The following ELAVL2 variants were observed in gnomAD, a reference collection of about 807,000 sequenced individuals.
ELAVL2 encodes ELAV-like protein 2.
In ELAVL2, 4 loss-of-function variants were observed where a neutral mutation model predicts 34.6. The observed-to-expected ratio is 0.12, with a 90% CI of 0.06 to 0.26. ELAVL2 has a LOEUF of 0.26. ELAVL2 is among the 10% of genes least tolerant of loss of function. ELAVL2 has a pLI of 1.00. For missense variants in ELAVL2, 432 were observed against 442.8 expected, an observed-to-expected ratio of 0.98 and a Z score of 0.22; for synonymous variants, 193 against 154.8, an observed-to-expected ratio of 1.25 and a Z score of -1.83.
chr9:23,762,253 A>C lies in ELAVL2; in HGVS notation c.-15-4T>G. 6.2e-7 allele frequency: 1 copy of C among 1,612,138 alleles called. No homozygotes were observed. The highest frequency in any genetic ancestry group is 8.5e-7 in the Non-Finnish European group (1 of 1,178,754). On this transcript the variant is annotated splice_region_variant and splice_polypyrimidine_tract_variant and intron_variant, in intron 1 of 6. Transcript: ENST00000397312. ...TTTCCATGGCAGCAATTACCTGCTA[A>C]AAACAGAGAAAACAAGAAATGTCAG...
At chr9:23,785,698 G>C (rs1191606567) in intron 1 of ELAVL2, among the ~76,000 whole-genome samples, 1 of 152,148 alleles carries the variant, frequency 6.6e-6, no homozygotes, top group Non-Finnish European at 1.5e-5. Context: ...CTGTCAATGA[G>C]CAGCTGCTCC....
At chr9:23,797,164 G>A (rs2061031320) in intron 1 of ELAVL2, among the ~76,000 whole-genome samples, 1 of 152,128 alleles carries the variant, frequency 6.6e-6, no homozygotes, top group Admixed American at 6.5e-5. Context: ...TAAGATTCGA[G>A]ACAAAAATGA....
At chr9:23,770,703 C>T (rs2057151226) in intron 1 of ELAVL2, among the ~76,000 whole-genome samples, 1 of 152,190 alleles carries the variant, frequency 6.6e-6, no homozygotes, top group Non-Finnish European at 1.5e-5. Context: ...AGGAATGCAG[C>T]CCTGCCAACA....
intron 1 of ELAVL2, among the ~76,000 whole-genome samples, chr9:23,770,064 A>T (rs1206186567): frequency 1.3e-5 from 2 of 152,234 alleles, no homozygotes; most frequent in Non-Finnish European, 2.9e-5. Flanking sequence ...GAACATCTCC[A>T]TGCAGCTCCC....
intron 1 of ELAVL2, among the ~76,000 whole-genome samples, chr9:23,820,575 G>C (rs991230525): frequency 6.6e-6 from 1 of 152,202 alleles, no homozygotes; most frequent in Admixed American, 6.5e-5. Flanking sequence ...CTCGCATCTA[G>C]AGGCATGGTT....
At chr9:23,850,232 ACCACCC>A in the ELAVL2 span, among the ~76,000 whole-genome samples, 1 of 137,004 alleles carries the variant, frequency 7.3e-6, no homozygotes, top group Non-Finnish European at 1.6e-5. Flanking sequence ...CACCACCACC[ACCACCC>A]CCCCCGCCCC....
chr9:23,748,849 AT>A (rs2051174935), intron 2 of ELAVL2, among the ~76,000 whole-genome samples: 1 of 152,166 alleles, frequency 6.6e-6, no homozygotes, highest in African/African-American at 2.4e-5. Context: ...CCTGAAAACA[AT>A]TATCATAATT....
At position 23,690,377 on chromosome 9, in the gene ELAVL2, C is replaced by CTGCT. The variant is rs2032769825; in HGVS notation, c.*2176_*2179dup. 1 of 152,566 alleles carries CTGCT rather than the reference C, an allele frequency of 6.6e-6. No individual in the cohort carries two copies. Among genetic ancestry groups the CTGCT allele is most frequent in the Non-Finnish European group, 1.5e-5 (1 of 68,016 alleles). 9.5% of individuals were successfully genotyped at this position (152,566 alleles called of 1,614,324 possible). A position where few individuals can be genotyped will look rare whatever the true frequency, so the allele number is the denominator to read the frequency against. On this transcript the variant is annotated 3_prime_UTR_variant, in exon 7 of 7. Coordinates refer to ENST00000397312, the MANE Select transcript of ELAVL2 (RefSeq NM_004432.5). Reference sequence around the variant, plus strand: ...AGTAGTATAGGAAAGAAGCATGTAGCTGCTGTTTTCCCTTGAGGGAAACCT... The same window carrying CTGCT: ...AGTAGTATAGGAAAGAAGCATGTAGCTGCTTGCTGTTTTCCCTTGAGGGAAACCT...
chr9:23,801,227 T>C (rs1008743990), intron 1 of ELAVL2, among the ~76,000 whole-genome samples: 1 of 152,170 alleles, frequency 6.6e-6, no homozygotes, highest in Non-Finnish European at 1.5e-5. Context: ...ACAAAAACAT[T>C]ACTGGAAATA....
At chr9:23,801,452 A>C (rs750302015) in intron 1 of ELAVL2, among the ~76,000 whole-genome samples, 1 of 152,120 alleles carries the variant, frequency 6.6e-6, no homozygotes, top group Non-Finnish European at 1.5e-5. Context: ...GAGCTATTGG[A>C]ATATAAAGTG....
At chr9:23,827,483 A>G (rs564201201), upstream of ELAVL2, among the ~76,000 whole-genome samples, 3 of 152,252 alleles carry the variant, frequency 2.0e-5, no homozygotes, top group East Asian at 1.9e-4. Context: ...TCTCTTTTCA[A>G]TCTTGAAAGA....
At chr9:23,798,837 T>A (rs2061266519) in intron 1 of ELAVL2, among the ~76,000 whole-genome samples, 1 of 152,198 alleles carries the variant, frequency 6.6e-6, no homozygotes, top group Admixed American at 6.5e-5. Context: ...AAATTCATTA[T>A]CTTAAAAAAC....
At chr9:23,728,278 A>C (rs10966047) in intron 3 of ELAVL2, among the ~76,000 whole-genome samples, 54,898 of 151,932 alleles carry the variant, frequency 0.36, 10,403 homozygotes, top group East Asian at 0.5. Context: ...AACAACCTGG[A>C]AAGACAGAAG....
intron 5 of ELAVL2, among the ~76,000 whole-genome samples, chr9:23,695,040 T>G (rs553681155): frequency 6.6e-6 from 1 of 152,194 alleles, no homozygotes; most frequent in Non-Finnish European, 1.5e-5. Flanking sequence ...AGAGGATTGG[T>G]TGGATGACCT....
At chr9:23,737,717 T>C (rs1015651210) in intron 2 of ELAVL2, among the ~76,000 whole-genome samples, 1 of 152,146 alleles carries the variant, frequency 6.6e-6, no homozygotes, top group Non-Finnish European at 1.5e-5. Context: ...TTTACAGCAG[T>C]AGTAATGTTT....
chr9:23,795,306 G>A (rs914840895), intron 1 of ELAVL2, among the ~76,000 whole-genome samples: 2 of 152,282 alleles, frequency 1.3e-5, no homozygotes, highest in Admixed American at 1.3e-4. Context: ...CACTTTGGGA[G>A]GCTGAGGTGG....
upstream of ELAVL2, chr9:23,826,344 C>G (rs2138703611): frequency 6.6e-6 from 1 of 152,558 alleles, no homozygotes; most frequent in Middle Eastern, 3.4e-3. Flanking sequence ...GCTCCTATCC[C>G]GGGCAGCACG....
chr9:23,843,418 A>G, the ELAVL2 span, among the ~76,000 whole-genome samples: 2 of 152,128 alleles, frequency 1.3e-5, no homozygotes, highest in Non-Finnish European at 2.9e-5. Context: ...TGAAGTGAAG[A>G]CTTTTTACAG....
the ELAVL2 span, among the ~76,000 whole-genome samples, chr9:23,839,222 CTTT>C: frequency 6.6e-6 from 1 of 151,804 alleles, no homozygotes; most frequent in South Asian, 2.1e-4. Flanking sequence ...GTTCTGTTAT[CTTT>C]TAAGTTTTAT....
Sources: allele counts gnomAD v4.1 joint callset (sites outside exome capture counted in the v4.1 genomes callset), GRCh38; gene constraint gnomAD v4.1.1; transcripts MANE v1.5; gene names NCBI Gene and HGNC (gene_info 2026-07-23, HGNC 2026-07-21).